Variants in SYNJ1 observed in about 807,000 individuals in gnomAD.
The protein encoded by SYNJ1 is synaptojanin 1.
SYNJ1 carries 78 observed loss-of-function variants against 168.2 expected under a neutral mutation model. The ratio of observed to expected loss-of-function variants is 0.46; its 90% CI spans 0.39 to 0.56. SYNJ1 has a LOEUF of 0.56. Among genes scored for constraint, SYNJ1 ranks in the 20% least tolerant of loss-of-function variants. The pLI, the probability that SYNJ1 is intolerant of heterozygous loss-of-function variation, is 0.00. For synonymous variants in SYNJ1, 539 were observed against 548.6 expected (o/e 0.98, Z 0.24); for missense variants, 1,303 against 1,597.6 (o/e 0.82, Z 3.14).
intron 7 of SYNJ1, among the ~76,000 whole-genome samples, chr21:32,688,037 C>G (rs1012277199): frequency 5.9e-5 from 9 of 151,910 alleles, no homozygotes; most frequent in African/African-American, 1.9e-4. Flanking sequence ...AGTCACATTT[C>G]AAGTGCCCAG....
intron 2 of SYNJ1, among the ~76,000 whole-genome samples, chr21:32,722,941 C>CA (rs1301170367): frequency 2.0e-5 from 3 of 151,664 alleles, no homozygotes; most frequent in East Asian, 1.9e-4. Flanking sequence ...ATCTGCAAGC[C>CA]AAAAAAAAGC....
At chr21:32,712,994 G>T (rs1039934569) in intron 2 of SYNJ1, among the ~76,000 whole-genome samples, 3 of 152,160 alleles carry the variant, frequency 2.0e-5, no homozygotes, top group Non-Finnish European at 4.4e-5. Context: ...TCATACTTGT[G>T]TCATTTATAA....
intron 31 of SYNJ1, 63 bp downstream of exon 31, chr21:32,638,845 G>A: frequency 2.1e-6 from 3 of 1,422,290 alleles, no homozygotes; most frequent in Non-Finnish European, 2.8e-6. Context: ...ATTAAAATAG[G>A]TATGTTCAAA....
intron 3 of SYNJ1, 101 bp downstream of exon 3, chr21:32,701,860 A>G (rs1292060069): frequency 1.3e-6 from 1 of 792,016 alleles, no homozygotes; most frequent in African/African-American, 1.7e-5. Context: ...TGTAGCTTAA[A>G]TATGGAGTCT....
intron 2 of SYNJ1, among the ~76,000 whole-genome samples, chr21:32,704,130 C>T (rs2042513882): frequency 1.3e-5 from 2 of 152,214 alleles, no homozygotes; most frequent in South Asian, 4.1e-4. Context: ...ACTATCTTCT[C>T]ATTAATTACA....
chr21:32,654,042 A>G (rs1410908874), intron 21 of SYNJ1: 7 of 152,344 alleles, frequency 4.6e-5, no homozygotes, highest in African/African-American at 1.7e-4. Flanking sequence ...GCAGGTATGT[A>G]ATGAAGTTAT....
chr21:32,666,723 T>G (rs1329284247), intron 15 of SYNJ1, 150 bp from the exon 16 acceptor site: 1 of 731,638 alleles, frequency 1.4e-6, no homozygotes, highest in Non-Finnish European at 2.0e-6. Context: ...AAAAGGAAAA[T>G]CTACAATTTA....
intron 2 of SYNJ1, among the ~76,000 whole-genome samples, chr21:32,721,191 C>A (rs1250578708): frequency 6.6e-6 from 1 of 152,176 alleles, no homozygotes; most frequent in Non-Finnish European, 1.5e-5. Flanking sequence ...AACCACTATT[C>A]CAAAGACATC....
rs1240011730 is a variant in SYNJ1 at position 32,681,578 on chromosome 21, ACTT to A, written c.1268_1270del (p.Glu423del). On this transcript the variant is annotated inframe_deletion, in exon 11 of 33. Transcript: ENST00000674351. ...ATTCACGGACCACATTGACCGAAAA[ACTT>A]CTTGAAAGCGAGTCACCAACTGAGG... The A allele has an allele frequency of 6.2e-7, 1 of 1,613,930 alleles. No homozygotes were observed. Among genetic ancestry groups the A allele is most frequent in the Non-Finnish European group, 8.5e-7 (1 of 1,179,878 alleles).
chr21:32,699,247 C>G (rs2042314753), intron 4 of SYNJ1, among the ~76,000 whole-genome samples: 2 of 152,298 alleles, frequency 1.3e-5, no homozygotes, highest in East Asian at 1.9e-4. Context: ...GGAAACACCC[C>G]CAAGACATTC....
Position 32,678,687 on chromosome 21 carries a change from C to T in SYNJ1, c.1468G>A (p.Ala490Thr). 6.2e-7 allele frequency: 1 copy of T among 1,611,582 alleles called. No individual in the cohort carries two copies. Among genetic ancestry groups the T allele is most frequent in the African/African-American group, 1.3e-5 (1 of 74,892 alleles). ...LLGNTLNSDL[A>T]DKARALLTTG... ...GTTAAAAGTGCTCGAGCTTTGTCAG[C>T]TAAATCACTATTCAGAGTATTTCCC... is the stretch of plus-strand genomic sequence containing the variant. The change falls in exon 12 of 33, where the codon GCT becomes ACT. Residue 490 changes from alanine to threonine, a missense_variant. This residue lies in a region of SYNJ1 where 920 missense variants were observed against 1,208.8 expected (regional missense o/e 0.76). Coordinates refer to ENST00000674351, the MANE Select transcript of SYNJ1 (RefSeq NM_203446.3).
Position 32,727,939 on chromosome 21 carries a change from T to G in SYNJ1, c.-23+7A>C. Reference sequence around the variant, plus strand: ...AGCAGCTCCCCGCCCCCCGCCGGCTTGCTCACCTCTTCCTCCGGCTCCTCC... The same window carrying G: ...AGCAGCTCCCCGCCCCCCGCCGGCTGGCTCACCTCTTCCTCCGGCTCCTCC... On this transcript the variant is annotated splice_region_variant and intron_variant, in intron 1 of 32. Transcript: ENST00000674351. 3 of 1,532,514 alleles carry G rather than the reference T, an allele frequency of 2.0e-6. No homozygotes were observed. The highest frequency in any genetic ancestry group is 2.5e-5 in the East Asian group (1 of 40,530). 94.9% of individuals were successfully genotyped at this position (1,532,514 alleles called of 1,614,324 possible).
rs2041860124 is a variant in SYNJ1, at chr21:32,687,066, C to A, written c.860G>T (p.Arg287Ile). The stretch of plus-strand genomic sequence containing the variant: ...TTTACCATATAAGTTCTTAAGTGTT[C>A]TAAAATGCCTATTTAAGAAAGAAAG... ...ANAPAFDRHF[R>I]TLKNLYGKQI... is the part of the protein sequence containing the mutation. Residue 287 changes from arginine (R) to isoleucine (I), a missense_variant, in exon 8 of 33, where the codon AGA becomes ATA. Arg to Ile is a moderately conservative substitution (Grantham distance 97). This residue lies in a region of SYNJ1 where 920 missense variants were observed against 1,208.8 expected (regional missense o/e 0.76). Transcript: ENST00000674351. The A allele has an allele frequency of 6.8e-7, 1 of 1,474,790 alleles. No individual in the cohort carries two copies. Among genetic ancestry groups the A allele is most frequent in the South Asian group, 1.3e-5 (1 of 75,078 alleles). 91.4% of individuals were successfully genotyped at this position (1,474,790 alleles called of 1,614,324 possible). A position where few individuals can be genotyped will look rare whatever the true frequency, so the allele number is the denominator to read the frequency against.
At chr21:32,719,542 C>T (rs1284924113) in intron 2 of SYNJ1, among the ~76,000 whole-genome samples, 6 of 151,822 alleles carry the variant, frequency 4.0e-5, no homozygotes, top group African/African-American at 9.7e-5. Flanking sequence ...GGTGAAACCC[C>T]GTCTCTACTA....
In SYNJ1 at chr21:32,631,073, G is replaced by T. The variant is rs148676465; in HGVS notation, c.*732C>A. 6.2e-7 allele frequency: 1 copy of T among 1,614,178 alleles called. No homozygotes were observed. The highest frequency in any genetic ancestry group is 2.2e-5 in the East Asian group (1 of 44,882). Reference sequence around the variant, plus strand: ...AAGGATCTACTGGAGGGCTGGTGCCGGGCGGGAGCAGAGGGACAGGAGGTG... The same window carrying T: ...AAGGATCTACTGGAGGGCTGGTGCCTGGCGGGAGCAGAGGGACAGGAGGTG... On this transcript the variant is annotated 3_prime_UTR_variant, in exon 33 of 33. Coordinates refer to ENST00000674351, the MANE Select transcript of SYNJ1 (RefSeq NM_203446.3).
chr21:32,688,301 C>A lies in SYNJ1; in HGVS notation c.851+5G>T. ...ACTTAAAGCACTATGTAAAAATTGT[C>A]TTACCTGTCAAAAGCAGGTGCATTG... On this transcript the variant is annotated splice_donor_5th_base_variant and intron_variant, in intron 7 of 32. Transcript: ENST00000674351. 6.2e-7 allele frequency: 1 copy of A among 1,612,790 alleles called. No homozygotes were observed. The highest frequency in any genetic ancestry group is 1.1e-5 in the South Asian group (1 of 90,816).
Position 32,642,092 on chromosome 21 carries a change from T to A in SYNJ1, c.3517+3A>T, listed in dbSNP as rs2145745010. The stretch of plus-strand genomic sequence containing the variant: ...GTGAATAGCTACATTCAAGTGTTTT[T>A]ACCTATATTATCTTTCCTTGTTGTT... On this transcript the variant is annotated splice_donor_region_variant and intron_variant, in intron 28 of 32. Transcript: ENST00000674351. The A allele has an allele frequency of 6.2e-7, 1 of 1,614,194 alleles. No individual in the cohort carries two copies. The highest frequency in any genetic ancestry group is 2.2e-5 in the East Asian group (1 of 44,882).
In SYNJ1 at chr21:32,645,750, TGCGGCA is replaced by T. The variant is rs1283379982; in HGVS notation, c.3281_3286del (p.Leu1094_Pro1095del). On this transcript the variant is annotated inframe_deletion, in exon 25 of 33. Transcript: ENST00000674351. The stretch of plus-strand genomic sequence containing the variant: ...CTCCAAGGGCTGGGCGGGGTCTTTC[TGCGGCA>T]GCGGCGTTGCTGGCTGCGCGTCAAT... 7 of 1,465,316 alleles carry T rather than the reference TGCGGCA, an allele frequency of 4.8e-6. No individual in the cohort carries two copies. In the African/African-American group the frequency reaches 1.0e-4, roughly 21 times the overall value. 90.8% of individuals were successfully genotyped at this position (1,465,316 alleles called of 1,614,324 possible).
intron 18 of SYNJ1, among the ~76,000 whole-genome samples, chr21:32,660,906 C>T (rs950312663): frequency 6.6e-6 from 1 of 152,158 alleles, no homozygotes; most frequent in African/African-American, 2.4e-5. Flanking sequence ...GCAGGGGACA[C>T]CAGCGAGCCT....
Sources: gnomAD v4.1 joint callset for allele counts (sites outside exome capture counted in the v4.1 genomes callset) on GRCh38, gnomAD v4.1.1 for gene constraint, gnomAD v4.1.1 regional missense constraint, MANE v1.5 for transcripts, NCBI Gene and HGNC (gene_info 2026-07-23, HGNC 2026-07-21) for gene names.